The following PSIP1 variants were observed in gnomAD, a reference collection of about 807,000 sequenced individuals.
PSIP1 encodes the protein PC4 and SFRS1-interacting protein.
PSIP1 carries 19 observed loss-of-function variants against 74.7 expected under a neutral mutation model. The ratio of observed to expected loss-of-function variants is 0.25; its 90% confidence interval spans 0.18 to 0.37. The LOEUF (loss-of-function observed/expected upper bound fraction) is 0.37. PSIP1 is among the 10% of genes least tolerant of loss of function. The probability of loss-of-function intolerance (pLI) is 1.00; values close to 1 mark genes in which losing one functional copy is unlikely to be tolerated. For missense variants in PSIP1, 601 were observed against 614.3 expected, an observed-to-expected ratio of 0.98 and a Z score of 0.23; for synonymous variants, 222 against 195.3, an observed-to-expected ratio of 1.14 and a Z score of -1.14.
intron 3 of PSIP1, among the ~76,000 whole-genome samples, chr9:15,491,693 G>C (rs1452595056): frequency 6.6e-6 from 1 of 152,156 alleles, no homozygotes; most frequent in Non-Finnish European, 1.5e-5. Flanking sequence ...AATCTAAGTT[G>C]AACCACTATA....
chr9:15,464,169 A>C lies in PSIP1; in HGVS notation c.*1351T>G, dbSNP rs147213434. ...AAAACTGTATAAGGACCAAACAGATAATGACTGGTATATATGCAGGTTCTC... is the reference window on the plus strand; with the variant it reads ...AAAACTGTATAAGGACCAAACAGATCATGACTGGTATATATGCAGGTTCTC... On this transcript the variant is annotated 3_prime_UTR_variant, in exon 16 of 16. Coordinates refer to ENST00000380733, the MANE Select transcript of PSIP1 (RefSeq NM_033222.5). 3.9e-4 allele frequency: 74 copies of C among 187,378 alleles called. No individual in the cohort carries two copies. In the East Asian group the frequency reaches 5.8e-3, roughly 15 times the overall value. The allele number at this position is 187,378 out of a possible 1,614,324, so 11.6% of individuals were successfully genotyped here. A position where few individuals can be genotyped will look rare whatever the true frequency, so the allele number is the denominator to read the frequency against.
At chr9:15,465,796 T>C (rs573857318) in intron 15 of PSIP1, 3 of 470,104 alleles carry the variant, frequency 6.4e-6, no homozygotes, top group Non-Finnish European at 1.1e-5. Flanking sequence ...CAAAGTAATA[T>C]GCAGATGAAG....
At chr9:15,485,890 T>C (rs914176869) in intron 6 of PSIP1, 116 bp downstream of exon 6, 3 of 894,754 alleles carry the variant, frequency 3.4e-6, no homozygotes, top group African/African-American at 3.4e-5. Context: ...CATAAAAAAT[T>C]AAAGGGTTTA....
intron 4 of PSIP1, among the ~76,000 whole-genome samples, chr9:15,489,630 A>AAAG: frequency 6.7e-6 from 1 of 148,936 alleles, no homozygotes; most frequent in African/African-American, 2.5e-5. Context: ...AAAAAAAAAG[A>AAAG]AATTTAATTA....
intron 6 of PSIP1, among the ~76,000 whole-genome samples, chr9:15,485,287 T>G (rs1331947497): frequency 6.6e-6 from 1 of 152,132 alleles, no homozygotes; most frequent in Non-Finnish European, 1.5e-5. Flanking sequence ...AATGGCTTCA[T>G]GTGTCCTTCC....
chr9:15,503,518 A>G (rs1477563499), intron 3 of PSIP1, among the ~76,000 whole-genome samples: 1 of 152,014 alleles, frequency 6.6e-6, no homozygotes, highest in Non-Finnish European at 1.5e-5. Flanking sequence ...AATAAAAAAT[A>G]CAAAAATTAG....
At chr9:15,498,627 C>T (rs62571010) in intron 3 of PSIP1, among the ~76,000 whole-genome samples, 32,080 of 151,984 alleles carry the variant, frequency 0.21, 5,200 homozygotes, top group African/African-American at 0.46. Context: ...AGCTGTGGTT[C>T]TGATTCATTC....
chr9:15,472,395 C>T (rs1019288285), intron 10 of PSIP1: 4 of 1,321,094 alleles, frequency 3.0e-6, no homozygotes, highest in Admixed American at 3.8e-5. Context: ...CCTATCTGCA[C>T]TTCGTTTAAA....
rs1379937248 is a variant in PSIP1, at chr9:15,465,274, AAAAGCAGTTT to A, written c.*236_*245del. On this transcript the variant is annotated 3_prime_UTR_variant, in exon 16 of 16. Coordinates refer to ENST00000380733, the MANE Select transcript of PSIP1 (RefSeq NM_033222.5). ...GAAAATATGCTACAACCATGTCTGG[AAAAGCAGTTT>A]AACATTTTCTAAATGGATTTTATCC... 1 of 426,150 alleles carries A rather than the reference AAAAGCAGTTT, an allele frequency of 2.3e-6. No homozygotes were observed. The highest frequency in any genetic ancestry group is 2.1e-5 in the African/African-American group (1 of 48,318). The allele number at this position is 426,150 out of a possible 1,614,324, so 26.4% of individuals were successfully genotyped here.
At chr9:15,490,183 G>C (rs2036758246) in intron 3 of PSIP1, 59 bp from the exon 4 acceptor site, 7 of 1,418,128 alleles carry the variant, frequency 4.9e-6, no homozygotes, top group African/African-American at 1.5e-5. Flanking sequence ...TAATTTATTA[G>C]ATAAGACACC....
chr9:15,475,862 T>C (rs1359753729), intron 8 of PSIP1, among the ~76,000 whole-genome samples: 4 of 152,192 alleles, frequency 2.6e-5, no homozygotes, highest in Admixed American at 6.6e-5. Context: ...AAAGTTGTAT[T>C]TGTAAATTTC....
rs1005780901 is a variant in PSIP1, at chr9:15,508,182, T to C, written c.73-1545A>G. Among the ~76,000 whole-genome samples the C allele has an allele frequency of 1.3e-5, 2 of 152,230 alleles. 1 individual carries two copies. Among genetic ancestry groups the C allele is most frequent in the Admixed American group, 1.3e-4 (2 of 15,282 alleles). ...AAAAATTAATGAAGTTTGGGACATG[T>C]AGACAGAAATGTTAAAGCAAAAATT... On this transcript the variant is annotated intron_variant, in intron 2 of 15. Coordinates refer to ENST00000380733, the MANE Select transcript of PSIP1 (RefSeq NM_033222.5).
chr9:15,475,268 ACTTTT>A (rs1163324848), intron 8 of PSIP1, among the ~76,000 whole-genome samples: 3 of 152,082 alleles, frequency 2.0e-5, no homozygotes, highest in Non-Finnish European at 4.4e-5. Flanking sequence ...ACCATCCTTT[ACTTTT>A]AATAAATGAA....
At chr9:15,483,594 G>T (rs897232728) in intron 6 of PSIP1, among the ~76,000 whole-genome samples, 1 of 151,986 alleles carries the variant, frequency 6.6e-6, no homozygotes, top group Non-Finnish European at 1.5e-5. Flanking sequence ...AAGTTCAATG[G>T]AAACAAAGAC....
intron 3 of PSIP1, among the ~76,000 whole-genome samples, chr9:15,498,116 A>T (rs1004308904): frequency 2.6e-5 from 4 of 152,208 alleles, no homozygotes; most frequent in Admixed American, 2.0e-4. Context: ...AATTCTAAGA[A>T]TAAGTGGGTC....
Position 15,468,587 on chromosome 9 carries a change from G to A in PSIP1, c.1420+43C>T, listed in dbSNP as rs754204193. 5 of 1,576,774 alleles carry A rather than the reference G, an allele frequency of 3.2e-6. No individual in the cohort carries two copies. The East Asian group carries it at 6.7e-5, about 21-fold the overall frequency. On this transcript the variant is annotated intron_variant, in intron 14 of 15. Coordinates refer to ENST00000380733, the MANE Select transcript of PSIP1 (RefSeq NM_033222.5). ...ATTTTTAAAAGCAGTCCTGGCAAATGGTTTAAAAACTGGTGTGAAATTGTT... is the reference window on the plus strand; with the variant it reads ...ATTTTTAAAAGCAGTCCTGGCAAATAGTTTAAAAACTGGTGTGAAATTGTT...
intron 12 of PSIP1, 84 bp from the exon 13 acceptor site, chr9:15,469,142 A>G: frequency 7.0e-7 from 1 of 1,419,726 alleles, no homozygotes; most frequent in Non-Finnish European, 9.7e-7. Flanking sequence ...TCCAAAAAAA[A>G]AGAGGTAGTG....
Position 15,510,190 on chromosome 9 carries a change from T to A in PSIP1, c.-2A>T. ...TCCAGGTTTGAAATCGCGAGTCATG[T>A]TTCGGGGGCGAGACCGGGGGTCCGA... On this transcript the variant is annotated 5_prime_UTR_variant, in exon 2 of 16. Transcript: ENST00000380733. The A allele has an allele frequency of 6.2e-7, 1 of 1,603,664 alleles. No homozygotes were observed.
intron 3 of PSIP1, among the ~76,000 whole-genome samples, chr9:15,499,157 C>G (rs889623045): frequency 3.3e-5 from 5 of 152,178 alleles, no homozygotes; most frequent in African/African-American, 1.2e-4. Context: ...AGCAGAGTCT[C>G]AACTTGCAGT....
Sources: allele counts gnomAD v4.1 joint callset (sites outside exome capture counted in the v4.1 genomes callset), GRCh38; gene constraint gnomAD v4.1.1; transcripts MANE v1.5; gene names NCBI Gene and HGNC (gene_info 2026-07-23, HGNC 2026-07-21).